The following FARS2 variants were observed in gnomAD, a reference collection of about 807,000 sequenced individuals.
FARS2 encodes phenylalanine--tRNA ligase, mitochondrial.
Under a neutral mutation model 46.4 loss-of-function variants are expected in FARS2, and 40 were observed. The observed-to-expected ratio is 0.86, with a 90% CI of 0.67 to 1.12. The LOEUF (loss-of-function observed/expected upper bound fraction) is 1.12. Ranked by LOEUF, FARS2 falls within the 50% of genes most tolerant of loss-of-function variation. The pLI is 0.00. For missense variants in FARS2, 513 were observed against 567.9 expected, an observed-to-expected ratio of 0.90 and a Z score of 0.98; for synonymous variants, 234 against 214.9, an observed-to-expected ratio of 1.09 and a Z score of -0.78.
At chr6:5,546,654 G>GT (rs1771041113) in intron 5 of FARS2, among the ~76,000 whole-genome samples, 1 of 151,558 alleles carries the variant, frequency 6.6e-6, no homozygotes, top group African/African-American at 2.4e-5. Flanking sequence ...CTGATGAAAG[G>GT]TTTTTTTAAT....
chr6:5,676,758 GA>G (rs1778790308), intron 6 of FARS2, among the ~76,000 whole-genome samples: 1 of 152,184 alleles, frequency 6.6e-6, no homozygotes, highest in African/African-American at 2.4e-5. Context: ...CTATGTTAGA[GA>G]AAATCTTGGT....
chr6:5,613,190 G>A lies in FARS2; in HGVS notation c.1087G>A (p.Val363Met). ...KFQPLSKYPA[V>M]INDISFWLPS... is the part of the protein sequence containing the mutation. ...TTAGCCTCTTAGCAAATATCCGGCT[G>A]TGATCAATGATATTTCATTCTGGTT... Residue 363 changes from valine (V) to methionine (M), a missense_variant, in exon 6 of 7, where the codon GTG (valine) becomes ATG (methionine). Transcript: ENST00000274680. 1.2e-6 allele frequency: 2 copies of A among 1,612,984 alleles called. No homozygotes were observed. Among genetic ancestry groups the A allele is most frequent in the Non-Finnish European group, 8.5e-7 (1 of 1,179,522 alleles).
intron 6 of FARS2, among the ~76,000 whole-genome samples, chr6:5,737,186 C>G (rs1428551112): frequency 6.6e-6 from 1 of 152,118 alleles, no homozygotes; most frequent in Non-Finnish European, 1.5e-5. Context: ...CAGAGCCACT[C>G]AAAAGGGATC....
chr6:5,458,982 A>G (rs6902344), intron 4 of FARS2, among the ~76,000 whole-genome samples: 1,587 of 152,330 alleles, frequency 0.01, 14 homozygotes, highest in Non-Finnish European at 0.015. Context: ...GATGCATTCC[A>G]TTAAAATTAA....
intron 6 of FARS2, among the ~76,000 whole-genome samples, chr6:5,685,352 G>T (rs559339119): frequency 6.6e-6 from 1 of 152,300 alleles, no homozygotes; most frequent in African/African-American, 2.4e-5. Context: ...AAAGATTTAG[G>T]TGGGGAGATC....
At chr6:5,461,396 A>T (rs575940967) in intron 4 of FARS2, among the ~76,000 whole-genome samples, 16 of 152,286 alleles carry the variant, frequency 1.1e-4, no homozygotes, top group Non-Finnish European at 1.9e-4. Context: ...CTGGGACTTA[A>T]CATTTTTTTA....
upstream of FARS2, among the ~76,000 whole-genome samples, chr6:5,258,877 A>G (rs899880681): frequency 6.6e-6 from 1 of 152,178 alleles, no homozygotes; most frequent in East Asian, 1.9e-4. Context: ...TGATTTTCCT[A>G]AAGTTTGAAT....
At chr6:5,504,437 TAAAAA>T (rs143444280) in intron 4 of FARS2, among the ~76,000 whole-genome samples, 14 of 126,464 alleles carry the variant, frequency 1.1e-4, no homozygotes, top group Non-Finnish European at 1.0e-4. Context: ...TGCTTTCCAG[TAAAAA>T]AAAAAAAAAA....
chr6:5,597,813 G>A (rs765296051), intron 5 of FARS2, among the ~76,000 whole-genome samples: 19 of 152,078 alleles, frequency 1.2e-4, no homozygotes, highest in Non-Finnish European at 2.2e-4. Context: ...TGCATAAACC[G>A]TAGCCAATAT....
intron 6 of FARS2, among the ~76,000 whole-genome samples, chr6:5,656,297 G>A (rs1409092763): frequency 6.6e-6 from 1 of 152,202 alleles, no homozygotes. Context: ...CACATCAGCT[G>A]TAGCTGGCTC....
intron 6 of FARS2, among the ~76,000 whole-genome samples, chr6:5,642,477 A>G (rs1189761648): frequency 6.6e-6 from 1 of 152,234 alleles, no homozygotes; most frequent in African/African-American, 2.4e-5. Context: ...TGTAATTTTA[A>G]AACCTTTTGG....
chr6:5,411,474 G>A (rs1761938752), intron 3 of FARS2, among the ~76,000 whole-genome samples: 1 of 152,068 alleles, frequency 6.6e-6, no homozygotes. Context: ...AAAAACTTAA[G>A]GTTCACTCTT....
chr6:5,299,468 T>C (rs879565668), intron 1 of FARS2, among the ~76,000 whole-genome samples: 1 of 152,218 alleles, frequency 6.6e-6, no homozygotes, highest in African/African-American at 2.4e-5. Flanking sequence ...AATCTTTTCT[T>C]CTATAACAGC....
intron 6 of FARS2, among the ~76,000 whole-genome samples, chr6:5,649,087 C>T (rs1286712101): frequency 6.6e-6 from 1 of 152,208 alleles, no homozygotes; most frequent in Non-Finnish European, 1.5e-5. Context: ...GCTCACCATG[C>T]TGCAATTTGT....
intron 5 of FARS2, among the ~76,000 whole-genome samples, chr6:5,577,061 A>G (rs1485378085): frequency 2.2e-5 from 3 of 135,570 alleles, no homozygotes; most frequent in African/African-American, 8.2e-5. Context: ...CATGTATATA[A>G]ATTTTACCAG....
chr6:5,575,642 G>C (rs777124634), intron 5 of FARS2, among the ~76,000 whole-genome samples: 2 of 152,026 alleles, frequency 1.3e-5, no homozygotes, highest in Admixed American at 6.6e-5. Flanking sequence ...TTTTCTTCCT[G>C]GTCCAGGATT....
chr6:5,444,987 G>A (rs955808891), intron 4 of FARS2, among the ~76,000 whole-genome samples: 1 of 152,218 alleles, frequency 6.6e-6, no homozygotes, highest in African/African-American at 2.4e-5. Context: ...TCATCTGTAA[G>A]ATGAGGGGCC....
At chr6:5,568,203 T>C (rs1772430288) in intron 5 of FARS2, among the ~76,000 whole-genome samples, 3 of 152,154 alleles carry the variant, frequency 2.0e-5, no homozygotes, top group African/African-American at 7.2e-5. Flanking sequence ...TTGTCACTCT[T>C]GTAATATGCG....
chr6:5,477,975 G>A (rs762144952), intron 4 of FARS2, among the ~76,000 whole-genome samples: 1 of 152,152 alleles, frequency 6.6e-6, no homozygotes, highest in African/African-American at 2.4e-5. Flanking sequence ...AGCCATGATT[G>A]CACCACTGAA....
Sources: gnomAD v4.1 joint callset for allele counts (sites outside exome capture counted in the v4.1 genomes callset) on GRCh38, gnomAD v4.1.1 for gene constraint, MANE v1.5 for transcripts, NCBI Gene and HGNC (gene_info 2026-07-23, HGNC 2026-07-21) for gene names.